The following NAALADL2 variants were observed in gnomAD, a reference collection of about 807,000 sequenced individuals.
NAALADL2 encodes N-acetylated alpha-linked acidic dipeptidase like 2.
Under a neutral mutation model 87.2 loss-of-function variants are expected in NAALADL2, and 76 were observed. That is an observed-to-expected ratio of 0.87 (90% CI 0.72 to 1.05). The LOEUF (loss-of-function observed/expected upper bound fraction) is 1.05. NAALADL2 is among the 50% of genes least tolerant of loss of function. The probability of loss-of-function intolerance (pLI) is 0.00; values close to 1 mark genes in which losing one functional copy is unlikely to be tolerated. For synonymous variants in NAALADL2, 354 were observed against 331.0 expected (o/e 1.07, Z -0.75); for missense variants, 1,089 against 945.8 (o/e 1.15, Z -1.99).
intron 9 of NAALADL2, among the ~76,000 whole-genome samples, chr3:175,499,307 C>A (rs1273018735): frequency 6.6e-6 from 1 of 152,056 alleles, no homozygotes; most frequent in Non-Finnish European, 1.5e-5. Flanking sequence ...TGCATATAAC[C>A]AATGAGATTT....
intron 1 of NAALADL2, among the ~76,000 whole-genome samples, chr3:174,960,882 A>G (rs1412850892): frequency 1.3e-5 from 2 of 151,634 alleles, no homozygotes; most frequent in African/African-American, 4.8e-5. Context: ...TACAAACACA[A>G]AAAAATTTGC....
chr3:175,808,650 T>A lies in NAALADL2; in HGVS notation c.*5447T>A, dbSNP rs1427325042. On this transcript the variant is annotated 3_prime_UTR_variant, in exon 14 of 14. Transcript: ENST00000454872. ...TTTATTTTCCAGGGGCTAATTAATATGCACCACCTAAGTCCCCAAAGGATC... is the reference window on the plus strand; with the variant it reads ...TTTATTTTCCAGGGGCTAATTAATAAGCACCACCTAAGTCCCCAAAGGATC... The A allele has an allele frequency of 6.6e-6, 1 of 151,986 alleles. No homozygotes were observed. 9.4% of individuals were successfully genotyped at this position (151,986 alleles called of 1,614,324 possible).
intron 1 of NAALADL2, among the ~76,000 whole-genome samples, chr3:174,530,142 A>G (rs1721109983): frequency 6.6e-6 from 1 of 152,172 alleles, no homozygotes; most frequent in Non-Finnish European, 1.5e-5. Context: ...TCACCTCTTC[A>G]GTGCTTTGCT....
chr3:175,121,738 G>A (rs1726188659), intron 2 of NAALADL2, among the ~76,000 whole-genome samples: 2 of 151,816 alleles, frequency 1.3e-5, no homozygotes, highest in Non-Finnish European at 2.9e-5. Context: ...ACAGAGCACA[G>A]AGCCAAGATA....
At chr3:175,275,915 A>G (rs1022533346) in intron 4 of NAALADL2, among the ~76,000 whole-genome samples, 1 of 151,376 alleles carries the variant, frequency 6.6e-6, no homozygotes, top group Non-Finnish European at 1.5e-5. Context: ...CTTTTCTAAA[A>G]TTCATGACCG....
At chr3:175,082,996 T>A (rs1718177372) in intron 1 of NAALADL2, among the ~76,000 whole-genome samples, 1 of 152,176 alleles carries the variant, frequency 6.6e-6, no homozygotes, top group Admixed American at 6.5e-5. Context: ...CTTCACATTA[T>A]CCCCCTTGAG....
intron 1 of NAALADL2, among the ~76,000 whole-genome samples, chr3:175,077,967 A>C (rs965891235): frequency 1.3e-5 from 2 of 151,542 alleles, no homozygotes; most frequent in African/African-American, 4.8e-5. Flanking sequence ...TGGACTACCT[A>C]CACTCATAAT....
intron 2 of NAALADL2, among the ~76,000 whole-genome samples, chr3:175,134,617 G>A (rs574246507): frequency 1.3e-5 from 2 of 152,240 alleles, no homozygotes; most frequent in East Asian, 3.9e-4. Context: ...ATACAGCAGA[G>A]TATAGATGCT....
intron 1 of NAALADL2, among the ~76,000 whole-genome samples, chr3:174,519,044 CT>C (rs1272617442): frequency 6.6e-6 from 1 of 152,134 alleles, no homozygotes; most frequent in African/African-American, 2.4e-5. Flanking sequence ...CTTTATCTCT[CT>C]TTCTCTGTCT....
At chr3:175,364,547 C>T (rs1453341125) in intron 5 of NAALADL2, among the ~76,000 whole-genome samples, 1 of 147,270 alleles carries the variant, frequency 6.8e-6, no homozygotes, top group African/African-American at 2.5e-5. Flanking sequence ...TTTAATATTC[C>T]CTCTGAGTCA....
chr3:175,336,762 T>A (rs1762022895), intron 5 of NAALADL2, among the ~76,000 whole-genome samples: 1 of 152,238 alleles, frequency 6.6e-6, no homozygotes, highest in Non-Finnish European at 1.5e-5. Context: ...CTCAGCATGA[T>A]CTGTTCCAGT....
intron 11 of NAALADL2, among the ~76,000 whole-genome samples, chr3:175,679,571 G>A (rs893246859): frequency 6.6e-6 from 1 of 152,188 alleles, no homozygotes; most frequent in Admixed American, 6.5e-5. Flanking sequence ...GCAGAATATA[G>A]TTGTGTGTGT....
At chr3:174,726,878 A>G (rs1578697259) in intron 2 of NAALADL2, among the ~76,000 whole-genome samples, 1 of 152,234 alleles carries the variant, frequency 6.6e-6, no homozygotes, top group Admixed American at 6.5e-5. Flanking sequence ...CAGTTGCAAT[A>G]GGCTCCTAAT....
chr3:174,641,954 T>TCA (rs1294998067), intron 2 of NAALADL2, among the ~76,000 whole-genome samples: 1 of 152,046 alleles, frequency 6.6e-6, no homozygotes, highest in Non-Finnish European at 1.5e-5. Flanking sequence ...AGACAAGGTT[T>TCA]CACCATGTTG....
intron 3 of NAALADL2, among the ~76,000 whole-genome samples, chr3:174,770,989 A>G (rs1292264007): frequency 6.6e-6 from 1 of 152,244 alleles, no homozygotes; most frequent in East Asian, 1.9e-4. Context: ...TTTTTGTTAA[A>G]AGATAATAAT....
At chr3:175,778,123 T>A (rs1663528475) in intron 13 of NAALADL2, among the ~76,000 whole-genome samples, 1 of 152,146 alleles carries the variant, frequency 6.6e-6, no homozygotes, top group South Asian at 2.1e-4. Flanking sequence ...CACCTTCCTA[T>A]CTAAAGCAAT....
At chr3:175,257,986 G>T (rs1750302412) in intron 4 of NAALADL2, among the ~76,000 whole-genome samples, 1 of 152,000 alleles carries the variant, frequency 6.6e-6, no homozygotes, top group Non-Finnish European at 1.5e-5. Flanking sequence ...AAGAAAAAGT[G>T]ACTGGCTCAA....
At chr3:175,683,542 T>C (rs1735886933) in intron 11 of NAALADL2, among the ~76,000 whole-genome samples, 1 of 151,982 alleles carries the variant, frequency 6.6e-6, no homozygotes, top group African/African-American at 2.4e-5. Flanking sequence ...AAGGTATAAT[T>C]AGCAAATGGG....
chr3:174,596,713 A>G (rs1189744881), intron 2 of NAALADL2, among the ~76,000 whole-genome samples: 1 of 152,156 alleles, frequency 6.6e-6, no homozygotes, highest in Non-Finnish European at 1.5e-5. Flanking sequence ...TTGTTTCTAA[A>G]TGAATACATT....
Sources: gnomAD v4.1 joint callset for allele counts (sites outside exome capture counted in the v4.1 genomes callset) on GRCh38, gnomAD v4.1.1 for gene constraint, MANE v1.5 for transcripts, NCBI Gene and HGNC (gene_info 2026-07-23, HGNC 2026-07-21) for gene names.